Variants in MSRB3 observed in about 807,000 individuals in gnomAD.
MSRB3 encodes methionine-R-sulfoxide reductase B3.
A neutral mutation model predicts 21.0 loss-of-function variants in MSRB3; 13 were observed. That is an observed-to-expected ratio of 0.62 (90% confidence interval 0.40 to 0.98). The LOEUF (loss-of-function observed/expected upper bound fraction) is 0.98. Among genes scored for constraint, MSRB3 ranks in the 50% least tolerant of loss-of-function variants. MSRB3 has a pLI of 0.00. For missense variants in MSRB3, 199 were observed against 230.3 expected, an observed-to-expected ratio of 0.86 and a Z score of 0.88; for synonymous variants, 87 against 88.6, an observed-to-expected ratio of 0.98 and a Z score of 0.10.
chr12:65,329,171 C>A (rs1875248311), intron 4 of MSRB3, among the ~76,000 whole-genome samples: 1 of 152,148 alleles, frequency 6.6e-6, no homozygotes, highest in Non-Finnish European at 1.5e-5. Context: ...AAACAGGCAG[C>A]ACACTGGACT....
intron 1 of MSRB3, among the ~76,000 whole-genome samples, chr12:65,298,115 C>T (rs1873091734): frequency 1.3e-5 from 2 of 152,000 alleles, no homozygotes; most frequent in South Asian, 2.1e-4. Flanking sequence ...GCAATCCTCC[C>T]GCCTCAGCGT....
In MSRB3 at chr12:65,278,716, C is replaced by CGGGGAGGG; in HGVS notation, c.-200_-193dup. On this transcript the variant is annotated 5_prime_UTR_variant, in exon 1 of 7. It removes the in-frame stop codon of an upstream open reading frame in the 5' UTR. Transcript: ENST00000308259. ...CGCCGCCCCGTCCGTCGCCCGGAGC[C>CGGGGAGGG]GGGGAGGGAGGGAGCGAGGTTCGGA... 2 of 1,497,376 alleles carry CGGGGAGGG rather than the reference C, an allele frequency of 1.3e-6. No individual in the cohort carries two copies. Among genetic ancestry groups the CGGGGAGGG allele is most frequent in the Non-Finnish European group, 1.8e-6 (2 of 1,100,314 alleles). The allele number at this position is 1,497,376 out of a possible 1,614,324, so 92.8% of individuals were successfully genotyped here. A position where few individuals can be genotyped will look rare whatever the true frequency, so the allele number is the denominator to read the frequency against.
chr12:65,446,386 G>A (rs899995550), intron 5 of MSRB3, among the ~76,000 whole-genome samples: 5 of 152,058 alleles, frequency 3.3e-5, no homozygotes, highest in East Asian at 1.9e-4. Flanking sequence ...CAGTTAAAGC[G>A]GCTAAAACTT....
chr12:65,330,221 C>G (rs900246758), intron 4 of MSRB3, among the ~76,000 whole-genome samples: 1 of 152,108 alleles, frequency 6.6e-6, no homozygotes, highest in Non-Finnish European at 1.5e-5. Flanking sequence ...AGGGTTTAAC[C>G]CTTGTGAGAT....
intron 1 of MSRB3, among the ~76,000 whole-genome samples, chr12:65,307,328 T>C (rs1873713482): frequency 6.6e-6 from 1 of 152,146 alleles, no homozygotes; most frequent in Admixed American, 6.6e-5. Flanking sequence ...TTTGGGGAAG[T>C]CAGAGTTCAG....
At chr12:65,306,736 A>T (rs1313531165) in intron 1 of MSRB3, 2 of 665,500 alleles carry the variant, frequency 3.0e-6, no homozygotes, top group African/African-American at 4.0e-5. Context: ...AGCCCTGGCT[A>T]TTTGGGTAGA....
intron 5 of MSRB3, among the ~76,000 whole-genome samples, chr12:65,377,433 C>T (rs370689163): frequency 1.2e-3 from 179 of 152,012 alleles, no homozygotes; most frequent in African/African-American, 3.9e-3. Context: ...CCCCCTCCTC[C>T]GTCCCCCGCC....
intron 5 of MSRB3, among the ~76,000 whole-genome samples, chr12:65,423,265 C>T (rs914635853): frequency 1.3e-5 from 2 of 152,066 alleles, no homozygotes; most frequent in African/African-American, 4.8e-5. Flanking sequence ...CCTGGTGGGT[C>T]TTCTATATAT....
chr12:65,343,836 A>ATC (rs1385805474), intron 4 of MSRB3, among the ~76,000 whole-genome samples: 1 of 152,024 alleles, frequency 6.6e-6, no homozygotes, highest in Non-Finnish European at 1.5e-5. Context: ...TCTGGTAGCT[A>ATC]TCACACTCTG....
chr12:65,448,247 G>A (rs1274187515), intron 5 of MSRB3, among the ~76,000 whole-genome samples: 1 of 152,126 alleles, frequency 6.6e-6, no homozygotes, highest in East Asian at 1.9e-4. Flanking sequence ...AGATATTCAT[G>A]CATTCGATTT....
chr12:65,432,868 T>G (rs1409909232), intron 5 of MSRB3, among the ~76,000 whole-genome samples: 1 of 151,984 alleles, frequency 6.6e-6, no homozygotes, highest in East Asian at 1.9e-4. Flanking sequence ...GTACCTCTAA[T>G]CCTTTTATGA....
At chr12:65,345,513 C>T (rs531073582) in intron 4 of MSRB3, among the ~76,000 whole-genome samples, 104 of 152,080 alleles carry the variant, frequency 6.8e-4, no homozygotes, top group African/African-American at 2.0e-3. Context: ...TTATAATTGA[C>T]GAAATGTTGT....
chr12:65,349,763 T>A (rs1157579283), intron 4 of MSRB3, among the ~76,000 whole-genome samples: 1 of 151,072 alleles, frequency 6.6e-6, no homozygotes, highest in African/African-American at 2.5e-5. Context: ...GTTGTTTGTT[T>A]TTTTCTTGTA....
At chr12:65,348,585 C>T (rs1876697444) in intron 4 of MSRB3, among the ~76,000 whole-genome samples, 1 of 152,006 alleles carries the variant, frequency 6.6e-6, no homozygotes, top group South Asian at 2.1e-4. Flanking sequence ...TCTCTATTTC[C>T]TTCAGTTCTG....
chr12:65,374,619 C>T (rs1212938537), intron 5 of MSRB3, among the ~76,000 whole-genome samples: 1 of 152,166 alleles, frequency 6.6e-6, no homozygotes, highest in Non-Finnish European at 1.5e-5. Flanking sequence ...TTTCCACAGA[C>T]TTTTAAGAGA....
At chr12:65,430,902 TG>T (rs1881846096) in intron 5 of MSRB3, among the ~76,000 whole-genome samples, 2 of 152,210 alleles carry the variant, frequency 1.3e-5, no homozygotes, top group Admixed American at 6.6e-5. Flanking sequence ...GCAAGTCTGG[TG>T]CCCTTAAAGT....
intron 5 of MSRB3, among the ~76,000 whole-genome samples, chr12:65,383,660 ATTT>A (rs59427831): frequency 2.1e-3 from 290 of 137,864 alleles, no homozygotes; most frequent in African/African-American, 3.5e-3. Context: ...TGTTAGTAGA[ATTT>A]TTTTTTTTTT....
chr12:65,349,428 A>G (rs1263688488), intron 4 of MSRB3, among the ~76,000 whole-genome samples: 1 of 151,794 alleles, frequency 6.6e-6, no homozygotes, highest in Non-Finnish European at 1.5e-5. Context: ...ATACCCAGTA[A>G]TGGGATGGCT....
In MSRB3 at chr12:65,306,001, C is replaced by T. The variant is rs147105359; in HGVS notation, c.-51-2528C>T. On this transcript the variant is annotated intron_variant, in intron 1 of 6. Coordinates refer to ENST00000308259, the MANE Select transcript of MSRB3 (RefSeq NM_001031679.3). ...CAGGAGTTGTACCAAGCACTTTTAA[C>T]CAATTAACTTATTTAATCATTATCT... is the stretch of plus-strand genomic sequence containing the variant. 8.1e-3 allele frequency among the ~76,000 whole-genome samples: 1,240 copies of T among 152,190 alleles called. 14 individuals carry two copies. The highest frequency in any genetic ancestry group is 0.011 in the Non-Finnish European group (771 of 68,012).
Sources: gnomAD v4.1 joint callset for allele counts (sites outside exome capture counted in the v4.1 genomes callset) on GRCh38, gnomAD v4.1.1 for gene constraint, MANE v1.5 for transcripts, NCBI Gene and HGNC (gene_info 2026-07-23, HGNC 2026-07-21) for gene names.